Variants in ARID4B observed in about 807,000 individuals in gnomAD.
ARID4B encodes AT-rich interactive domain-containing protein 4B.
Under a neutral mutation model 147.5 loss-of-function variants are expected in ARID4B, and 26 were observed. The ratio of observed to expected loss-of-function variants is 0.18; its 90% CI spans 0.13 to 0.24. The LOEUF (loss-of-function observed/expected upper bound fraction) is 0.24. ARID4B is among the 10% of genes least tolerant of loss of function. The pLI, the probability that ARID4B is intolerant of heterozygous loss-of-function variation, is 1.00. For missense variants in ARID4B, 1,179 were observed against 1,511.5 expected (o/e 0.78, Z 3.65); for synonymous variants, 512 against 507.9 (o/e 1.01, Z -0.11).
intron 2 of ARID4B, among the ~76,000 whole-genome samples, chr1:235,267,144 G>A (rs1195030715): frequency 6.6e-6 from 1 of 152,122 alleles, no homozygotes; most frequent in Non-Finnish European, 1.5e-5. Context: ...CAGGCATAGT[G>A]GCATGCACGT....
chr1:235,242,240 T>C (rs1487705373), intron 7 of ARID4B, among the ~76,000 whole-genome samples: 2 of 123,872 alleles, frequency 1.6e-5, no homozygotes, highest in African/African-American at 3.0e-5. Flanking sequence ...AGAGTGAGAC[T>C]CCGTCTCAAA....
rs781025979 is a variant in ARID4B, at chr1:235,255,740, A to C, written c.194T>G (p.Ile65Ser). ...HIKGPLKVGA[I>S]VEVKNLDGAY... ...ACCATCAAGATTCTTCACTTCCACA[A>C]TAGCTCCTACCTAAAGTATTTTTAA... is the stretch of plus-strand genomic sequence containing the variant. The change falls in exon 5 of 24, where the codon ATT becomes AGT. Residue 65 changes from isoleucine to serine, a missense_variant. Transcript: ENST00000264183. The C allele has an allele frequency of 6.2e-7, 1 of 1,608,186 alleles. No individual in the cohort carries two copies. Among genetic ancestry groups the C allele is most frequent in the East Asian group, 2.2e-5 (1 of 44,664 alleles).
At chr1:235,283,288 T>G (rs1323553135) in intron 2 of ARID4B, among the ~76,000 whole-genome samples, 1 of 152,160 alleles carries the variant, frequency 6.6e-6, no homozygotes, top group Non-Finnish European at 1.5e-5. Context: ...ATACCATAAC[T>G]GCCTTATCAG....
At chr1:235,287,749 A>C (rs934072418) in intron 2 of ARID4B, among the ~76,000 whole-genome samples, 3 of 152,232 alleles carry the variant, frequency 2.0e-5, no homozygotes, top group African/African-American at 7.2e-5. Flanking sequence ...TCCTTTCTTC[A>C]GCATACAAAT....
At chr1:235,286,055 G>GTTTTT (rs1487268724) in intron 2 of ARID4B, among the ~76,000 whole-genome samples, 3 of 125,790 alleles carry the variant, frequency 2.4e-5, no homozygotes, top group African/African-American at 1.1e-4. Context: ...GTTTTGTTTT[G>GTTTTT]TTTTGTTTTG....
Position 235,182,415 on chromosome 1 carries a change from T to C in ARID4B, c.2504A>G (p.Lys835Arg), listed in dbSNP as rs556421785. ...RRYCNTEECLKTGSPGKKEEK... is the reference protein window; with the variant it reads ...RRYCNTEECLRTGSPGKKEEK... The stretch of plus-strand genomic sequence containing the variant: ...TTCCTTTTTGCCAGGTGATCCAGTT[T>C]TTAGACACTCTTCTGTATTGCAATA... The change falls in exon 20 of 24, where the codon AAA becomes AGA. Residue 835 changes from lysine to arginine, a missense_variant. By Grantham distance (26) the Lys-to-Arg change is conservative. Transcript: ENST00000264183. 5 of 1,609,220 alleles carry C rather than the reference T, an allele frequency of 3.1e-6. No individual in the cohort carries two copies. The Admixed American group carries it at 8.5e-5, about 27-fold the overall frequency.
intron 7 of ARID4B, among the ~76,000 whole-genome samples, chr1:235,245,012 C>G (rs1442445297): frequency 6.6e-6 from 1 of 152,140 alleles, no homozygotes; most frequent in Non-Finnish European, 1.5e-5. Flanking sequence ...GTGAGAATGA[C>G]CAACCGTGGT....
intron 13 of ARID4B, 35 bp downstream of exon 13, chr1:235,223,131 T>C (rs1453171744): frequency 4.4e-6 from 6 of 1,374,426 alleles, no homozygotes; most frequent in Non-Finnish European, 6.1e-6. Context: ...ACATGTTACA[T>C]GAAAAAGATG....
chr1:235,244,672 A>G (rs1385405337), intron 7 of ARID4B, among the ~76,000 whole-genome samples: 1 of 152,214 alleles, frequency 6.6e-6, no homozygotes, highest in Non-Finnish European at 1.5e-5. Flanking sequence ...ATTTGGTGAT[A>G]CATCACTCCA....
chr1:235,246,420 A>G lies in ARID4B; in HGVS notation c.446T>C (p.Ile149Thr), dbSNP rs746853631. Reference sequence around the variant, plus strand: ...CTAACAGTCATGAAAATGGACTTACATATGATTAGATCTTCTTCCTCTATT... The same window carrying G: ...CTAACAGTCATGAAAATGGACTTACGTATGATTAGATCTTCTTCCTCTATT... ...KTNRGRRSNHIPEEESSSSSS... is the reference protein window; with the variant it reads ...KTNRGRRSNHTPEEESSSSSS... Residue 149 changes from isoleucine to threonine, a missense_variant and splice_region_variant, in exon 7 of 24, where the codon ATA (isoleucine) becomes ACA (threonine). Physicochemically the swap from Ile to Thr is moderately conservative, Grantham distance 89. Around this residue, in one of 10 missense-constraint regions of ARID4B, gnomAD observed 159 missense variants for 190.5 expected, o/e 0.83. Coordinates refer to ENST00000264183, the MANE Select transcript of ARID4B (RefSeq NM_016374.6). 3 of 1,593,230 alleles carry G rather than the reference A, an allele frequency of 1.9e-6. No individual in the cohort carries two copies. The highest frequency in any genetic ancestry group is 1.3e-5 in the African/African-American group (1 of 74,574).
intron 7 of ARID4B, among the ~76,000 whole-genome samples, chr1:235,241,853 T>C (rs1426875679): frequency 6.6e-6 from 1 of 152,142 alleles, no homozygotes; most frequent in Non-Finnish European, 1.5e-5. Context: ...TTAAGCTTTT[T>C]AAAGTGACAT....
At chr1:235,275,075 C>T (rs1671235185) in intron 2 of ARID4B, among the ~76,000 whole-genome samples, 1 of 151,698 alleles carries the variant, frequency 6.6e-6, no homozygotes, top group African/African-American at 2.4e-5. Flanking sequence ...TATGAGGGAC[C>T]CAACAAATCA....
intron 8 of ARID4B, among the ~76,000 whole-genome samples, chr1:235,238,503 T>G (rs557368449): frequency 1.3e-5 from 2 of 151,986 alleles, no homozygotes; most frequent in Non-Finnish European, 2.9e-5. Context: ...TGTCTTTTGT[T>G]TATCAGCGGA....
chr1:235,299,349 G>C (rs968544595), intron 2 of ARID4B, among the ~76,000 whole-genome samples: 1 of 152,110 alleles, frequency 6.6e-6, no homozygotes, highest in Non-Finnish European at 1.5e-5. Flanking sequence ...GAGTAGCTGG[G>C]ATTACAGGAG....
chr1:235,219,174 A>AT (rs112734266), intron 16 of ARID4B, among the ~76,000 whole-genome samples: 18 of 150,604 alleles, frequency 1.2e-4, no homozygotes, highest in East Asian at 7.8e-4. Context: ...CTGCTAAATG[A>AT]TTTTTTTTTT....
chr1:235,255,263 A>ATCTATCTATCTATC (rs746915541), intron 5 of ARID4B, among the ~76,000 whole-genome samples: 10,276 of 90,408 alleles, frequency 0.11, 613 homozygotes, highest in South Asian at 0.17. Flanking sequence ...AGATAGATAG[A>ATCTATCTATCTATC]TATATATCTC....
intron 17 of ARID4B, among the ~76,000 whole-genome samples, chr1:235,206,856 A>G (rs1666338663): frequency 6.6e-6 from 1 of 152,236 alleles, no homozygotes; most frequent in Non-Finnish European, 1.5e-5. Context: ...GGTAACTTTC[A>G]AACAGTTCTG....
At chr1:235,248,668 A>G (rs1572073405) in intron 6 of ARID4B, among the ~76,000 whole-genome samples, 1 of 152,196 alleles carries the variant, frequency 6.6e-6, no homozygotes, top group South Asian at 2.1e-4. Context: ...GAAAATTTCT[A>G]AAGAGTTGTT....
intron 2 of ARID4B, among the ~76,000 whole-genome samples, chr1:235,275,891 C>T (rs1671283836): frequency 6.6e-6 from 1 of 152,260 alleles, no homozygotes; most frequent in Non-Finnish European, 1.5e-5. Flanking sequence ...AATCCCAACA[C>T]GCTGGAAGGC....
Sources: gnomAD v4.1 joint callset for allele counts (sites outside exome capture counted in the v4.1 genomes callset) on GRCh38, gnomAD v4.1.1 for gene constraint, gnomAD v4.1.1 regional missense constraint, MANE v1.5 for transcripts, NCBI Gene and HGNC (gene_info 2026-07-23, HGNC 2026-07-21) for gene names.